Variants in ACCSL observed in about 807,000 individuals in gnomAD.
The protein encoded by ACCSL is 1-aminocyclopropane-1-carboxylate synthase homolog (inactive) like, also known as probable inactive 1-aminocyclopropane-1-carboxylate synthase-like protein 2.
Under a neutral mutation model 61.7 loss-of-function variants are expected in ACCSL, and 55 were observed. That is an observed-to-expected ratio of 0.89 (90% CI 0.72 to 1.12). ACCSL has a LOEUF of 1.12. Ranked by LOEUF, ACCSL falls within the 50% of genes most tolerant of loss-of-function variation. ACCSL has a pLI of 0.00. For missense variants in ACCSL, 632 were observed against 698.0 expected, an observed-to-expected ratio of 0.91 and a Z score of 1.07; for synonymous variants, 258 against 264.3, an observed-to-expected ratio of 0.98 and a Z score of 0.23.
chr11:44,006,499 A>ATTT, the ACCSL span, among the ~76,000 whole-genome samples: 4 of 89,454 alleles, frequency 4.5e-5, no homozygotes, highest in Non-Finnish European at 6.4e-5. Flanking sequence ...CCTCTTTGAG[A>ATTT]TTTTTTTTTT....
the ACCSL span, among the ~76,000 whole-genome samples, chr11:43,948,647 A>T: frequency 3.6e-4 from 54 of 151,960 alleles, no homozygotes; most frequent in African/African-American, 1.2e-3. Context: ...CTATTTTTTA[A>T]ATTTTTTGTT....
At chr11:43,925,492 T>G in the ACCSL span, 1 of 455,370 alleles carries the variant, frequency 2.2e-6, no homozygotes, top group Admixed American at 2.4e-5. Context: ...TCCTCCTGAA[T>G]CTAGTGCCAG....
At chr11:43,952,483 T>C in the ACCSL span, among the ~76,000 whole-genome samples, 4 of 152,320 alleles carry the variant, frequency 2.6e-5, no homozygotes, top group South Asian at 8.3e-4. Context: ...TGGTTAAATA[T>C]CGTCCCCTGA....
At chr11:44,000,516 A>T in the ACCSL span, among the ~76,000 whole-genome samples, 1 of 127,292 alleles carries the variant, frequency 7.9e-6, no homozygotes, top group Admixed American at 8.8e-5. Flanking sequence ...ACCGAGTGAG[A>T]CTCTGTCTCA....
At chr11:43,974,836 A>C in the ACCSL span, among the ~76,000 whole-genome samples, 1 of 152,294 alleles carries the variant, frequency 6.6e-6, no homozygotes, top group East Asian at 1.9e-4. Context: ...GACTACAGCC[A>C]TGGCCAACAT....
At chr11:44,054,762 G>C (rs1031757223) in intron 8 of ACCSL, among the ~76,000 whole-genome samples, 5 of 152,078 alleles carry the variant, frequency 3.3e-5, no homozygotes, top group Admixed American at 1.3e-4. Context: ...GCCCGCCTTA[G>C]TTTCTTCATC....
At chr11:44,054,187 G>A (rs924359527) in intron 8 of ACCSL, among the ~76,000 whole-genome samples, 2 of 152,170 alleles carry the variant, frequency 1.3e-5, no homozygotes, top group South Asian at 2.1e-4. Context: ...GGATGAAGAC[G>A]TGTTCCTATA....
At chr11:43,997,367 G>A in the ACCSL span, among the ~76,000 whole-genome samples, 3 of 152,066 alleles carry the variant, frequency 2.0e-5, no homozygotes, top group Non-Finnish European at 4.4e-5. Flanking sequence ...GCTTCCTCCT[G>A]CCTCGCGATC....
chr11:44,023,609 G>A, the ACCSL span, among the ~76,000 whole-genome samples: 1 of 141,702 alleles, frequency 7.1e-6, no homozygotes, highest in Non-Finnish European at 1.5e-5. Flanking sequence ...CCAACTTTTA[G>A]TTTTGTTGAT....
At chr11:44,011,798 G>A in the ACCSL span, among the ~76,000 whole-genome samples, 5 of 151,570 alleles carry the variant, frequency 3.3e-5, no homozygotes, top group African/African-American at 9.7e-5. Flanking sequence ...GTGGGGGCGT[G>A]TGTGTGTGTG....
chr11:44,013,402 C>G, the ACCSL span, among the ~76,000 whole-genome samples: 1 of 152,132 alleles, frequency 6.6e-6, no homozygotes, highest in African/African-American at 2.4e-5. Flanking sequence ...GCCTCAGACT[C>G]CCAAGTAGCC....
the ACCSL span, among the ~76,000 whole-genome samples, chr11:44,040,786 G>GC: frequency 6.6e-6 from 1 of 150,548 alleles, no homozygotes; most frequent in Non-Finnish European, 1.5e-5. Flanking sequence ...GTGAGGTAGG[G>GC]TCCCTCATGG....
the ACCSL span, among the ~76,000 whole-genome samples, chr11:43,966,406 ACAGAGGGAGACTCTGT>A: frequency 6.6e-6 from 1 of 151,052 alleles, no homozygotes; most frequent in Admixed American, 6.6e-5. Context: ...AGCCTGGGCA[ACAGAGGGAGACTCTGT>A]CTCAAAAAAA....
chr11:43,938,160 A>T, the ACCSL span, among the ~76,000 whole-genome samples: 1 of 152,206 alleles, frequency 6.6e-6, no homozygotes, highest in Non-Finnish European at 1.5e-5. Context: ...TCTGTCCTCG[A>T]GAACAGTGAG....
chr11:43,926,692 GATAAAA>G, the ACCSL span: 4 of 324,854 alleles, frequency 1.2e-5, no homozygotes, highest in East Asian at 3.3e-4. Flanking sequence ...TAAAAAGAAA[GATAAAA>G]AGAGAAAGCG....
chr11:44,048,141 C>G lies in ACCSL; in HGVS notation c.105C>G (p.His35Gln), dbSNP rs984830077. 3 of 1,614,214 alleles carry G rather than the reference C, an allele frequency of 1.9e-6. No homozygotes were observed. In the African/African-American group the frequency reaches 4.0e-5, roughly 22 times the overall value. The part of the protein sequence containing the change: ...IYTQLLEITL[H>Q]LQQAMTEHFV... ...CCCAGCTGTTGGAGATAACGCTGCA[C>G]TTGCAGCAGGCCATGACGGAGCACT... Residue 35 changes from histidine (H) to glutamine (Q), a missense_variant, in exon 1 of 14, where the codon CAC becomes CAG. His to Gln is a conservative substitution (Grantham distance 24). Coordinates refer to ENST00000378832, the MANE Select transcript of ACCSL (RefSeq NM_001031854.2).
the ACCSL span, among the ~76,000 whole-genome samples, chr11:44,019,619 G>A: frequency 6.6e-6 from 1 of 152,236 alleles, no homozygotes; most frequent in Non-Finnish European, 1.5e-5. Flanking sequence ...TTACTGAACT[G>A]TAAGATTTCT....
the ACCSL span, among the ~76,000 whole-genome samples, chr11:43,979,871 G>GAAAAGA: frequency 2.2e-5 from 3 of 138,866 alleles, no homozygotes; most frequent in African/African-American, 2.7e-5. Flanking sequence ...AAAAAGAAAA[G>GAAAAGA]AAAAAAAAAT....
chr11:43,979,920 A>G, the ACCSL span, among the ~76,000 whole-genome samples: 25 of 151,934 alleles, frequency 1.6e-4, no homozygotes, highest in Non-Finnish European at 3.1e-4. Context: ...TGTAACTTAG[A>G]TGTAAAAATT....
Sources: gnomAD v4.1 joint callset for allele counts (sites outside exome capture counted in the v4.1 genomes callset) on GRCh38, gnomAD v4.1.1 for gene constraint, MANE v1.5 for transcripts, NCBI Gene and HGNC (gene_info 2026-07-23, HGNC 2026-07-21) for gene names.